The following CDK6 variants were observed in gnomAD, a reference collection of about 807,000 sequenced individuals.
The protein encoded by CDK6 is cyclin-dependent kinase 6.
Under a neutral mutation model 37.1 loss-of-function variants are expected in CDK6, and 6 were observed. The observed-to-expected ratio is 0.16, with a 90% CI of 0.09 to 0.32. The LOEUF (loss-of-function observed/expected upper bound fraction) is 0.32, where lower values mean the gene tolerates loss of function less well. CDK6 is among the 10% of genes least tolerant of loss of function. The pLI, the probability that CDK6 is intolerant of heterozygous loss-of-function variation, is 1.00. For synonymous variants in CDK6, 160 were observed against 161.3 expected (o/e 0.99, Z 0.06); for missense variants, 224 against 418.9 (o/e 0.53, Z 4.06).
rs1192107120 is a variant in CDK6 at position 92,605,040 on chromosome 7, T to C, written c.*10100A>G. 4.3e-6 allele frequency: 1 copy of C among 230,986 alleles called. No individual in the cohort carries two copies. Among genetic ancestry groups the C allele is most frequent in the African/African-American group, 2.2e-5 (1 of 45,226 alleles). The allele number at this position is 230,986 out of a possible 1,614,324, so 14.3% of individuals were successfully genotyped here. A position where few individuals can be genotyped will look rare whatever the true frequency, so the allele number is the denominator to read the frequency against. ...ATCTCCAGAAAGCAGTTTAAAGTTA[T>C]TGTTTTTATTATTTTTATTTGCTAC... On this transcript the variant is annotated 3_prime_UTR_variant, in exon 8 of 8. Transcript: ENST00000424848.
intron 3 of CDK6, among the ~76,000 whole-genome samples, chr7:92,747,715 C>A (rs185213174): frequency 6.6e-6 from 1 of 152,154 alleles, no homozygotes; most frequent in Non-Finnish European, 1.5e-5. Context: ...ACACTGTATT[C>A]GTCATAAACT....
At chr7:92,717,693 G>C (rs951052332) in intron 4 of CDK6, among the ~76,000 whole-genome samples, 1 of 152,038 alleles carries the variant, frequency 6.6e-6, no homozygotes, top group Non-Finnish European at 1.5e-5. Context: ...GAACTAATTC[G>C]CAACAGTGAC....
chr7:92,616,319 T>C (rs933797532), intron 7 of CDK6, among the ~76,000 whole-genome samples: 4 of 152,184 alleles, frequency 2.6e-5, no homozygotes, highest in African/African-American at 9.7e-5. Flanking sequence ...TAGGGACCTC[T>C]CTAATATTCT....
chr7:92,821,144 T>TAC (rs1801162829), intron 2 of CDK6, among the ~76,000 whole-genome samples: 1 of 152,098 alleles, frequency 6.6e-6, no homozygotes, highest in Non-Finnish European at 1.5e-5. Context: ...AGCCAACATG[T>TAC]ACATTCAACT....
intron 4 of CDK6, among the ~76,000 whole-genome samples, chr7:92,695,808 C>T (rs927469942): frequency 6.6e-6 from 1 of 152,204 alleles, no homozygotes; most frequent in Admixed American, 6.5e-5. Context: ...AAAGTCTTTG[C>T]TGTTGCCGCC....
At position 92,610,348 on chromosome 7, in the gene CDK6, T is replaced by C. The variant is rs184675393; in HGVS notation, c.*4792A>G. 3.4e-5 allele frequency: 8 copies of C among 232,014 alleles called. No homozygotes were observed. Among genetic ancestry groups the C allele is most frequent in the South Asian group, 3.6e-4 (2 of 5,512 alleles). The allele number at this position is 232,014 out of a possible 1,614,324, so 14.4% of individuals were successfully genotyped here. On this transcript the variant is annotated 3_prime_UTR_variant, in exon 8 of 8. Transcript: ENST00000424848. ...TACTCATTTAGCTAAACGTTATCAC[T>C]TCCTGGAAATGCTGAGAAATAGAAA...
Position 92,619,538 on chromosome 7 carries a change from C to T in CDK6, c.699-1331G>A, listed in dbSNP as rs957496277. 1.1e-4 allele frequency among the ~76,000 whole-genome samples: 16 copies of T among 151,524 alleles called. 1 individual carries two copies. Among genetic ancestry groups the T allele is most frequent in the Non-Finnish European group, 4.4e-5 (3 of 67,906 alleles). ...ATTAGGGTCTTCTGCTTGGCCTCTA[C>T]TTGTTGGGACTAAGGCCCAGGAAGA... On this transcript the variant is annotated intron_variant, in intron 6 of 7. Transcript: ENST00000424848.
chr7:92,809,273 A>G (rs1262416255), intron 2 of CDK6, among the ~76,000 whole-genome samples: 2 of 152,206 alleles, frequency 1.3e-5, no homozygotes, highest in Admixed American at 1.3e-4. Context: ...GGAACTTTCA[A>G]TGTTTTCTGA....
chr7:92,624,785 T>C (rs75427382), intron 5 of CDK6, among the ~76,000 whole-genome samples: 6,682 of 152,232 alleles, frequency 0.044, 184 homozygotes, highest in Non-Finnish European at 0.058. Flanking sequence ...ATGTTGTATC[T>C]GGCCTAGTGC....
chr7:92,748,919 C>A (rs941180833), intron 3 of CDK6, among the ~76,000 whole-genome samples: 1 of 151,882 alleles, frequency 6.6e-6, no homozygotes, highest in Non-Finnish European at 1.5e-5. Flanking sequence ...AATCCCAACA[C>A]GGCTGGGCGC....
chr7:92,672,166 T>TACACACACACACACACACACAC (rs1434883987), intron 4 of CDK6, among the ~76,000 whole-genome samples: 1 of 38,736 alleles, frequency 2.6e-5, no homozygotes, highest in African/African-American at 1.2e-4. Context: ...TATATACACA[T>TACACACACACACACACACACAC]ACACACACAC....
chr7:92,762,130 T>C (rs760829612), intron 3 of CDK6, among the ~76,000 whole-genome samples: 5 of 152,214 alleles, frequency 3.3e-5, no homozygotes, highest in Non-Finnish European at 5.9e-5. Context: ...ACAAGATCAA[T>C]TGCTATGATC....
At chr7:92,626,274 C>G (rs1795926239) in intron 5 of CDK6, among the ~76,000 whole-genome samples, 1 of 151,812 alleles carries the variant, frequency 6.6e-6, no homozygotes. Flanking sequence ...ATGTAATATA[C>G]ATATAATGTA....
chr7:92,652,444 A>G (rs1444896777), intron 5 of CDK6, among the ~76,000 whole-genome samples: 2 of 151,890 alleles, frequency 1.3e-5, no homozygotes, highest in East Asian at 1.9e-4. Context: ...GTCTTTAGAG[A>G]CCATTTCTTT....
At chr7:92,701,880 T>C (rs1026781327) in intron 4 of CDK6, 1 of 152,284 alleles carries the variant, frequency 6.6e-6, no homozygotes, top group Admixed American at 6.5e-5. Context: ...ATATTTTGAT[T>C]AATAAACGGA....
intron 3 of CDK6, among the ~76,000 whole-genome samples, chr7:92,757,766 C>T (rs1799351217): frequency 6.6e-6 from 1 of 152,162 alleles, no homozygotes; most frequent in South Asian, 2.1e-4. Flanking sequence ...ATTTACACTC[C>T]CACCAACAGT....
At chr7:92,831,923 CTAATGT>C (rs1213910449) in intron 2 of CDK6, among the ~76,000 whole-genome samples, 1 of 152,156 alleles carries the variant, frequency 6.6e-6, no homozygotes, top group Non-Finnish European at 1.5e-5. Flanking sequence ...ACTTTGATGA[CTAATGT>C]TAAATTGTTT....
At chr7:92,700,819 A>T (rs931566798) in intron 4 of CDK6, among the ~76,000 whole-genome samples, 2 of 152,266 alleles carry the variant, frequency 1.3e-5, no homozygotes, top group Non-Finnish European at 2.9e-5. Flanking sequence ...CACAGAAGTC[A>T]AGGTGGATAT....
chr7:92,710,251 T>C (rs1798060031), intron 4 of CDK6, among the ~76,000 whole-genome samples: 1 of 152,166 alleles, frequency 6.6e-6, no homozygotes, highest in South Asian at 2.1e-4. Context: ...TGATGAAACC[T>C]AAAGTGGAAG....
Sources: allele counts gnomAD v4.1 joint callset (sites outside exome capture counted in the v4.1 genomes callset), GRCh38; gene constraint gnomAD v4.1.1; transcripts MANE v1.5; gene names NCBI Gene and HGNC (gene_info 2026-07-23, HGNC 2026-07-21).